Variants in PALB2 observed in about 807,000 individuals in gnomAD.
PALB2 encodes partner and localizer of BRCA2.
In PALB2, 82 loss-of-function variants were observed where a neutral mutation model predicts 107.4. That is an observed-to-expected ratio of 0.76 (90% CI 0.64 to 0.92). The LOEUF (loss-of-function observed/expected upper bound fraction) is 0.92, where lower values mean the gene tolerates loss of function less well. Among genes scored for constraint, PALB2 ranks in the 40% least tolerant of loss-of-function variants. PALB2 has a pLI of 0.00. For missense variants in PALB2, 1,374 were observed against 1,379.9 expected, an observed-to-expected ratio of 1.00 and a Z score of 0.07; for synonymous variants, 489 against 496.8, an observed-to-expected ratio of 0.98 and a Z score of 0.21.
rs542611063 is a variant in PALB2, at chr16:23,632,290, A to C, written c.1685-1821T>G. ...GAAACCCCGTCTCTACTAAAAATAC[A>C]AAAATTACCCAGGCATGGTGGCAGG... On this transcript the variant is annotated intron_variant, in intron 4 of 12. Coordinates refer to ENST00000261584, the MANE Select transcript of PALB2 (RefSeq NM_024675.4). Among the ~76,000 whole-genome samples the C allele has an allele frequency of 3.9e-5, 6 of 152,252 alleles. No individual in the cohort carries two copies. The South Asian group carries it at 1.2e-3, about 32-fold the overall frequency.
In PALB2 at chr16:23,629,747, C is replaced by A. The variant is rs1966856576; in HGVS notation, c.2407G>T (p.Asp803Tyr). 1 of 1,614,202 alleles carries A rather than the reference C, an allele frequency of 6.2e-7. No homozygotes were observed. ...GGAGGTGTTCCTGGCGGGACAGAGT[C>A]ACAGTCACAGGTAGGTTGTCCTTGC... ...GRQGQPTCDCDSVPPGTPPPI... is the reference protein window; with the variant it reads ...GRQGQPTCDCYSVPPGTPPPI... The change falls in exon 5 of 13, where the codon GAC becomes TAC. Residue 803 changes from aspartate (D) to tyrosine (Y), a missense_variant. By Grantham distance (160) the Asp-to-Tyr change is radical. Coordinates refer to ENST00000261584, the MANE Select transcript of PALB2 (RefSeq NM_024675.4).
chr16:23,613,949 C>T (rs1833587004), intron 11 of PALB2, 55 bp downstream of exon 11: 4 of 1,344,330 alleles, frequency 3.0e-6, no homozygotes, highest in Non-Finnish European at 4.3e-6. Flanking sequence ...TTACTGCTCT[C>T]ACTTAATGAG....
intron 7 of PALB2, among the ~76,000 whole-genome samples, chr16:23,625,288 G>A (rs1002360654): frequency 2.0e-5 from 3 of 151,940 alleles, no homozygotes; most frequent in Non-Finnish European, 4.4e-5. Context: ...AGCCAAGATC[G>A]CCCCACTGCA....
intron 8 of PALB2, among the ~76,000 whole-genome samples, chr16:23,623,536 A>G (rs550253832): frequency 2.3e-4 from 25 of 106,688 alleles, no homozygotes; most frequent in Non-Finnish European, 3.9e-4. Context: ...TTTTGAGACA[A>G]AGTCTCACTC....
rs150117355 is a variant in PALB2, at chr16:23,637,659, T to A, written c.211+191A>T. Among the ~76,000 whole-genome samples, 3,756 of 152,252 alleles carry A rather than the reference T, an allele frequency of 0.025. 163 individuals carry two copies. The highest frequency in any genetic ancestry group is 0.084 in the African/African-American group (3,491 of 41,522). On this transcript the variant is annotated intron_variant, in intron 3 of 12. Transcript: ENST00000261584. ...GTTGGAGGTTGTAGTGAGCCAAGATTGTGCCACTGCACTCCAGCCTGGGTA... is the reference window on the plus strand; with the variant it reads ...GTTGGAGGTTGTAGTGAGCCAAGATAGTGCCACTGCACTCCAGCCTGGGTA...
At chr16:23,634,398 C>T (rs949160430) in intron 4 of PALB2, among the ~76,000 whole-genome samples, 3 of 151,706 alleles carry the variant, frequency 2.0e-5, no homozygotes, top group African/African-American at 7.3e-5. Flanking sequence ...GTCTGTAATC[C>T]CAGCACTTTG....
At chr16:23,603,730 A>T in intron 12 of PALB2, 61 bp from the exon 13 acceptor site, 1 of 1,494,782 alleles carries the variant, frequency 6.7e-7, no homozygotes, top group African/African-American at 1.4e-5. Context: ...TTAAAAAAAA[A>T]AAAAAGGTCA....
intron 6 of PALB2, among the ~76,000 whole-genome samples, chr16:23,627,554 G>A (rs952541194): frequency 6.8e-6 from 1 of 146,024 alleles, no homozygotes; most frequent in Admixed American, 6.8e-5. Flanking sequence ...AAACAAGAAA[G>A]ATTAAAATCA....
chr16:23,611,121 T>A (rs942434198), intron 11 of PALB2, among the ~76,000 whole-genome samples: 2 of 140,900 alleles, frequency 1.4e-5, no homozygotes, highest in African/African-American at 2.6e-5. Context: ...TCTATCTATC[T>A]ATCAATCTAT....
chr16:23,606,821 CTTTTTT>C (rs545664784), intron 12 of PALB2, among the ~76,000 whole-genome samples: 9 of 108,592 alleles, frequency 8.3e-5, no homozygotes, highest in African/African-American at 3.5e-4. Context: ...CTGCACCCTG[CTTTTTT>C]TTTTTTTTTT....
intron 1 of PALB2, 55 bp from the exon 2 acceptor site, chr16:23,638,184 G>C: frequency 2.8e-6 from 4 of 1,449,500 alleles, no homozygotes; most frequent in Middle Eastern, 1.7e-4. Flanking sequence ...GGAGTCAGAG[G>C]GAAGGGATGC....
Position 23,605,547 on chromosome 16 carries a change from T to C in PALB2, c.3351-1878A>G, listed in dbSNP as rs556118439. 3.3e-5 allele frequency among the ~76,000 whole-genome samples: 5 copies of C among 152,256 alleles called. 1 individual carries two copies. In the South Asian group the frequency reaches 1.0e-3, roughly 32 times the overall value. On this transcript the variant is annotated intron_variant, in intron 12 of 12. Transcript: ENST00000261584. ...TCTCAGCCTCCCCAATAGCTGGGAT[T>C]ACTGGTGCACACCATCGCACCCAGC...
At chr16:23,613,513 G>A (rs1015202912) in intron 11 of PALB2, among the ~76,000 whole-genome samples, 7 of 151,996 alleles carry the variant, frequency 4.6e-5, no homozygotes, top group African/African-American at 9.7e-5. Flanking sequence ...GTGTGGTGGC[G>A]GGCACCTGTA....
intron 6 of PALB2, among the ~76,000 whole-genome samples, chr16:23,628,917 A>T (rs1474726746): frequency 6.6e-6 from 1 of 152,276 alleles, no homozygotes; most frequent in East Asian, 1.9e-4. Flanking sequence ...TATAGGGGTG[A>T]GCCACCGTGC....
intron 7 of PALB2, among the ~76,000 whole-genome samples, chr16:23,624,578 A>G (rs1413113577): frequency 1.3e-5 from 2 of 152,200 alleles, no homozygotes; most frequent in African/African-American, 4.8e-5. Context: ...CAATGGCACA[A>G]TCTCAGCTCA....
At chr16:23,608,955 G>A (rs1245553151) in intron 11 of PALB2, among the ~76,000 whole-genome samples, 1 of 151,768 alleles carries the variant, frequency 6.6e-6, no homozygotes, top group African/African-American at 2.4e-5. Context: ...AGCCTCCCAA[G>A]TAGCTGGGAT....
At chr16:23,616,353 A>G (rs530822749) in intron 10 of PALB2, among the ~76,000 whole-genome samples, 120 of 152,346 alleles carry the variant, frequency 7.9e-4, no homozygotes, top group Non-Finnish European at 1.6e-3. Flanking sequence ...TCTATGGGCC[A>G]GATACTGTGT....
rs2142380134 is a variant in PALB2, at chr16:23,630,016, G to A, written c.2138C>T (p.Pro713Leu). The change falls in exon 5 of 13, where the codon CCT becomes CTT. Residue 713 changes from proline (P) to leucine (L), a missense_variant. Pro to Leu is a moderately conservative substitution (Grantham distance 98). Coordinates refer to ENST00000261584, the MANE Select transcript of PALB2 (RefSeq NM_024675.4). ...TGTGGTAGGCCTGTCATTATCATCA[G>A]GCGCAACCGTATTTAAAGGAGTATA... ...LLYTPLNTVAPDDNDRPTTDM... is the reference protein window; with the variant it reads ...LLYTPLNTVALDDNDRPTTDM... 1 of 1,614,158 alleles carries A rather than the reference G, an allele frequency of 6.2e-7. No homozygotes were observed. Among genetic ancestry groups the A allele is most frequent in the African/African-American group, 1.3e-5 (1 of 75,028 alleles).
intron 7 of PALB2, among the ~76,000 whole-genome samples, chr16:23,625,381 T>TC (rs2142349265): frequency 6.6e-6 from 1 of 151,912 alleles, no homozygotes; most frequent in African/African-American, 2.4e-5. Context: ...AAACCTGTGA[T>TC]GGGCTGGGCA....
Sources: gnomAD v4.1 joint callset for allele counts (sites outside exome capture counted in the v4.1 genomes callset) on GRCh38, gnomAD v4.1.1 for gene constraint, MANE v1.5 for transcripts, NCBI Gene and HGNC (gene_info 2026-07-23, HGNC 2026-07-21) for gene names.